Variants in SLC9A6 observed in about 807,000 individuals in gnomAD.
SLC9A6 encodes the protein solute carrier family 9 member A6.
In SLC9A6, 6 loss-of-function variants were observed where a neutral mutation model predicts 45.3. The ratio of observed to expected loss-of-function variants is 0.13; its 90% confidence interval spans 0.07 to 0.26. SLC9A6 has a LOEUF of 0.26. SLC9A6 is among the 10% of genes least tolerant of loss of function. SLC9A6 has a pLI of 1.00. For missense variants in SLC9A6, 278 were observed against 503.7 expected (o/e 0.55, Z 4.29); for synonymous variants, 191 against 187.7 (o/e 1.02, Z -0.14).
In SLC9A6 at chrX:136,044,668, G is replaced by A. The variant is rs781836780; in HGVS notation, c.1984G>A (p.Asp662Asn). 8.3e-7 allele frequency: 1 copy of A among 1,210,499 alleles called. No homozygotes were observed. The highest frequency in any genetic ancestry group is 1.1e-6 in the Non-Finnish European group (1 of 894,593). Residue 662 changes from aspartate (D) to asparagine (N), a missense_variant, in exon 18 of 18, where the codon GAT (aspartate) becomes AAT (asparagine). Physicochemically the swap from Asp to Asn is conservative, Grantham distance 23 (BLOSUM62 1). Transcript: ENST00000630721. The stretch of plus-strand genomic sequence containing the variant: ...AGGAACACGCCTGGTTCTTCCAATG[G>A]ATGATTCTGAACCCCCGCTAAATTT... ...IRGTRLVLPMDDSEPPLNLLD... is the reference protein window; with the variant it reads ...IRGTRLVLPMNDSEPPLNLLD...
upstream of SLC9A6, chrX:135,985,133 A>G (rs1335457174): frequency 6.7e-6 from 1 of 148,222 alleles, no homozygotes; most frequent in Non-Finnish European, 1.3e-5. Context: ...CGATATTGAG[A>G]TGGGTTATGA....
chrX:136,032,750 C>G (rs1456516860), intron 15 of SLC9A6, among the ~76,000 whole-genome samples: 4 of 112,535 alleles, frequency 3.6e-5, no homozygotes, highest in African/African-American at 1.3e-4. Flanking sequence ...TAGTTATTTT[C>G]GAGATCCATG....
chrX:135,999,743 T>C, intron 6 of SLC9A6, among the ~76,000 whole-genome samples: 2 of 111,985 alleles, frequency 1.8e-5, no homozygotes, highest in East Asian at 5.6e-4. Context: ...ACTGATGTTT[T>C]TGAACTAAGG....
intron 3 of SLC9A6, among the ~76,000 whole-genome samples, chrX:135,995,623 C>T (rs1203803820): frequency 8.0e-5 from 9 of 112,235 alleles, no homozygotes; most frequent in Admixed American, 6.6e-4. Flanking sequence ...TGCGCCCAGC[C>T]GGTCCTTATA....
At chrX:136,043,173 C>T (rs1266064293) in intron 17 of SLC9A6, among the ~76,000 whole-genome samples, 1 of 111,672 alleles carries the variant, frequency 9.0e-6, no homozygotes, top group Non-Finnish European at 1.9e-5. Context: ...GATAGACTTA[C>T]TGTCCTAACT....
chrX:136,040,014 C>T, intron 16 of SLC9A6, 62 bp from the exon 17 acceptor site: 2 of 921,718 alleles, frequency 2.2e-6, no homozygotes, highest in Non-Finnish European at 1.6e-6. Flanking sequence ...TGATTATTAT[C>T]AAACGAGTTG....
At chrX:136,011,071 G>A (rs1351358398) in intron 8 of SLC9A6, among the ~76,000 whole-genome samples, 17 of 111,848 alleles carry the variant, frequency 1.5e-4, no homozygotes, top group Non-Finnish European at 2.8e-4. Flanking sequence ...AGCCCTGGAC[G>A]GGAAGCCCAA....
chrX:136,023,544 G>T (rs781806767), intron 12 of SLC9A6, among the ~76,000 whole-genome samples: 16 of 110,017 alleles, frequency 1.5e-4, no homozygotes, highest in African/African-American at 4.6e-4. Context: ...AGCCAGTCTT[G>T]AAAGGTTACC....
chrX:136,024,802 ACAT>A (rs1556620405), intron 13 of SLC9A6, among the ~76,000 whole-genome samples: 1 of 111,840 alleles, frequency 8.9e-6, no homozygotes, highest in African/African-American at 3.2e-5. Context: ...AAATATATTT[ACAT>A]CATTGCTTTA....
chrX:136,022,862 T>C, intron 12 of SLC9A6, among the ~76,000 whole-genome samples, 165 bp downstream of exon 12: 1 of 110,074 alleles, frequency 9.1e-6, no homozygotes, highest in South Asian at 3.8e-4. Context: ...CAGGCTGTAG[T>C]GCAGTGGCAC....
At chrX:136,036,983 C>A (rs979985779) in intron 16 of SLC9A6, among the ~76,000 whole-genome samples, 2 of 112,188 alleles carry the variant, frequency 1.8e-5, no homozygotes, top group Non-Finnish European at 3.8e-5. Flanking sequence ...ATCCTTACCC[C>A]ACTGAATTGC....
chrX:136,042,262 CCT>C (rs781859781), intron 17 of SLC9A6, among the ~76,000 whole-genome samples: 43 of 109,441 alleles, frequency 3.9e-4, no homozygotes, highest in Non-Finnish European at 5.3e-4. Context: ...GCAACCTCTA[CCT>C]CTCAGGTTCA....
intron 7 of SLC9A6, among the ~76,000 whole-genome samples, chrX:136,007,344 C>T (rs2089674063): frequency 9.1e-6 from 1 of 110,184 alleles, no homozygotes; most frequent in Non-Finnish European, 1.9e-5. Flanking sequence ...ATGCACAGGA[C>T]AGCATTCCCC....
intron 7 of SLC9A6, among the ~76,000 whole-genome samples, chrX:136,003,001 T>G (rs1427709620): frequency 9.1e-6 from 1 of 110,004 alleles, no homozygotes; most frequent in East Asian, 2.8e-4. Flanking sequence ...TTTTTTTTTT[T>G]TTTTGAGACG....
Position 135,979,890 on chromosome X carries a change from C to T in SLC9A6, c.-57+5107C>T, listed in dbSNP as rs192860615. On this transcript the variant is annotated intron_variant, in intron 1 of 16. Transcript: ENST00000636092. ...AAGCGATTCTCCCACCTCAGCCTCC[C>T]GAGTAGCTGGAATTACAGGCGCACA... Among the ~76,000 whole-genome samples the T allele has an allele frequency of 3.3e-4, 36 of 110,670 alleles. No individual in the cohort carries two copies. In the East Asian group the frequency reaches 8.7e-3, roughly 27 times the overall value.
chrX:136,047,019 A>G lies in SLC9A6; in HGVS notation c.*2295A>G, dbSNP rs782440265. 4.5e-4 allele frequency: 51 copies of G among 112,636 alleles called. No individual in the cohort carries two copies. Among genetic ancestry groups the G allele is most frequent in the Non-Finnish European group, 9.0e-4 (48 of 53,289 alleles). 9.3% of individuals were successfully genotyped at this position (112,636 alleles called of 1,213,427 possible). On this transcript the variant is annotated 3_prime_UTR_variant, in exon 18 of 18. Coordinates refer to ENST00000630721, the MANE Select transcript of SLC9A6 (RefSeq NM_001379110.1). ...TGGCAATGTGCTGTTAAAGTAATAG[A>G]CTTTTAATCTTTATGTATTTTTTGT...
At chrX:136,010,314 T>G in intron 7 of SLC9A6, 128 bp from the exon 8 acceptor site, 2 of 757,218 alleles carry the variant, frequency 2.6e-6, no homozygotes, top group South Asian at 5.0e-5. Flanking sequence ...TTGTCCTTAT[T>G]TTGGCAATTC....
rs146263125 is a variant in SLC9A6, at chrX:136,033,469, G to A, written c.1637G>A (p.Arg546Gln). 2,521 of 1,172,230 alleles carry A rather than the reference G, an allele frequency of 2.2e-3. 2 individuals are homozygous for A. Among genetic ancestry groups the A allele is most frequent in the Non-Finnish European group, 2.7e-3 (2,352 of 866,474 alleles). Residue 546 changes from arginine (R) to glutamine (Q), a missense_variant, in exon 16 of 18, where the codon CGG (arginine) becomes CAG (glutamine). By Grantham distance (43) the Arg-to-Gln change is conservative. This residue lies in a region of SLC9A6 where 91 missense variants were observed against 125.1 expected (regional missense o/e 0.73). Transcript: ENST00000630721. ...AAAGCAGAGAGTGCTTGGCTTTTCC[G>A]GATGTGGTACAACTTTGATCATAAG... The part of the protein sequence containing the change: ...TTKAESAWLF[R>Q]MWYNFDHNYL...
In SLC9A6 at chrX:136,016,683, C is replaced by T. The variant is rs140158476; in HGVS notation, c.1119C>T (p.Ile373=). The T allele has an allele frequency of 4.8e-5, 57 of 1,199,826 alleles. No homozygotes were observed. The highest frequency in any genetic ancestry group is 6.1e-5 in the Non-Finnish European group (54 of 884,666). ...ELLNFLAENF[I]FSYMGLTLFT... is the part of the protein sequence containing the mutation. ...TCAATTTCTTGGCAGAGAATTTCAT[C>T]TTCTCCTACATGGGGCTGACACTGT... Residue 373 remains isoleucine (I), a synonymous_variant, in exon 11 of 18, where the codon ATC becomes ATT. Coordinates refer to ENST00000630721, the MANE Select transcript of SLC9A6 (RefSeq NM_001379110.1).
Sources: allele counts gnomAD v4.1 joint callset (sites outside exome capture counted in the v4.1 genomes callset), GRCh38; gene constraint gnomAD v4.1.1; regional missense constraint gnomAD v4.1.1; transcripts MANE v1.5; gene names NCBI Gene and HGNC (gene_info 2026-07-23, HGNC 2026-07-21).